GRID2: variants seen among roughly 807,000 people sequenced by gnomAD.
GRID2 encodes the protein glutamate ionotropic receptor delta type subunit 2, also known as glutamate receptor ionotropic, delta-2.
Under a neutral mutation model 114.8 loss-of-function variants are expected in GRID2, and 33 were observed. The observed-to-expected ratio is 0.29, with a 90% CI of 0.22 to 0.38. The LOEUF (loss-of-function observed/expected upper bound fraction) is 0.38, where lower values mean the gene tolerates loss of function less well. GRID2 is among the 10% of genes least tolerant of loss of function. The probability of loss-of-function intolerance (pLI) is 1.00; values close to 1 mark genes in which losing one functional copy is unlikely to be tolerated. For missense variants in GRID2, 1,184 were observed against 1,257.7 expected, an observed-to-expected ratio of 0.94 and a Z score of 0.89; for synonymous variants, 505 against 449.9, an observed-to-expected ratio of 1.12 and a Z score of -1.55.
In GRID2 at chr4:92,539,349, C is replaced by T. The variant is rs1387183497; in HGVS notation, c.89-50782C>T. Among the ~76,000 whole-genome samples the T allele has an allele frequency of 2.0e-5, 3 of 152,122 alleles. No individual in the cohort carries two copies. The South Asian group carries it at 6.2e-4, about 32-fold the overall frequency. ...TATAAAATGGTGGCCTTTTCCTGTG[C>T]ATTAATGGTGACAAAAAATTAGCAA... On this transcript the variant is annotated intron_variant, in intron 1 of 15. Transcript: ENST00000282020.
intron 4 of GRID2, among the ~76,000 whole-genome samples, chr4:93,121,598 G>T (rs545099330): frequency 6.6e-6 from 1 of 152,100 alleles, no homozygotes; most frequent in East Asian, 1.9e-4. Context: ...TACAGATAGG[G>T]GTTCTATATA....
chr4:92,859,816 T>C (rs562006656), intron 2 of GRID2, among the ~76,000 whole-genome samples: 2 of 152,120 alleles, frequency 1.3e-5, no homozygotes, highest in South Asian at 4.2e-4. Context: ...CTACCTAGAG[T>C]AGAGTTTCTC....
intron 2 of GRID2, among the ~76,000 whole-genome samples, chr4:92,645,437 T>G (rs1364391801): frequency 2.6e-5 from 4 of 151,838 alleles, no homozygotes; most frequent in Non-Finnish European, 5.9e-5. Context: ...GGTTTCATTT[T>G]GATACAGTTA....
chr4:92,505,034 T>TC (rs1723885453), intron 1 of GRID2, among the ~76,000 whole-genome samples: 1 of 151,696 alleles, frequency 6.6e-6, no homozygotes, highest in African/African-American at 2.4e-5. Context: ...AAAGAGAAAA[T>TC]GTAACTTAAG....
chr4:93,014,013 A>C (rs1382978543), intron 2 of GRID2, among the ~76,000 whole-genome samples: 1 of 152,054 alleles, frequency 6.6e-6, no homozygotes, highest in Non-Finnish European at 1.5e-5. Context: ...CCTATAAAAC[A>C]ATTTATATGA....
chr4:92,626,576 T>A (rs12643613), intron 2 of GRID2, among the ~76,000 whole-genome samples: 2 of 152,038 alleles, frequency 1.3e-5, no homozygotes, highest in Non-Finnish European at 2.9e-5. Context: ...GGCTGTCATG[T>A]GGAAGTGGAG....
intron 2 of GRID2, among the ~76,000 whole-genome samples, chr4:92,937,783 G>A (rs1750779039): frequency 6.8e-6 from 1 of 146,594 alleles, no homozygotes; most frequent in African/African-American, 2.4e-5. Flanking sequence ...CATTGAGCCT[G>A]TAGATTGCTT....
chr4:93,800,636 T>C (rs1421402986), intron 1 of GRID2, among the ~76,000 whole-genome samples: 1 of 152,196 alleles, frequency 6.6e-6, no homozygotes, highest in African/African-American at 2.4e-5. Context: ...AGTTTTTATG[T>C]TTTTCTTAGA....
At chr4:93,748,796 G>A (rs541360787) in intron 14 of GRID2, among the ~76,000 whole-genome samples, 7 of 152,034 alleles carry the variant, frequency 4.6e-5, no homozygotes, top group Non-Finnish European at 8.8e-5. Flanking sequence ...AAAGCAAGGA[G>A]GAGTACTGAA....
At chr4:92,304,963 G>T (rs1181499470) in intron 1 of GRID2, among the ~76,000 whole-genome samples, 1 of 152,104 alleles carries the variant, frequency 6.6e-6, no homozygotes, top group Non-Finnish European at 1.5e-5. Context: ...GCAGTGATTC[G>T]TGGAATGTGG....
chr4:92,843,110 A>T (rs1322674143), intron 2 of GRID2, among the ~76,000 whole-genome samples: 1 of 151,950 alleles, frequency 6.6e-6, no homozygotes, highest in Non-Finnish European at 1.5e-5. Flanking sequence ...AGGAGGGGTA[A>T]CACATACCTG....
chr4:92,646,362 G>A (rs1164117186), intron 2 of GRID2, among the ~76,000 whole-genome samples: 7 of 152,286 alleles, frequency 4.6e-5, no homozygotes, highest in Non-Finnish European at 1.0e-4. Context: ...TTCAGTTTGT[G>A]TATTGTCAAA....
intron 1 of GRID2, among the ~76,000 whole-genome samples, chr4:92,335,411 G>A (rs1727113605): frequency 6.6e-6 from 1 of 152,210 alleles, no homozygotes; most frequent in African/African-American, 2.4e-5. Flanking sequence ...GCAAAGCACT[G>A]AGAGATTTGC....
intron 1 of GRID2, among the ~76,000 whole-genome samples, chr4:92,474,982 G>A (rs1163903772): frequency 3.1e-5 from 4 of 128,480 alleles, no homozygotes; most frequent in African/African-American, 5.7e-5. Context: ...GGGGGGTGGA[G>A]GGGGGAGGGA....
chr4:92,685,306 G>A (rs541569227), intron 2 of GRID2, among the ~76,000 whole-genome samples: 4 of 152,104 alleles, frequency 2.6e-5, no homozygotes, highest in East Asian at 1.9e-4. Context: ...ATGCTCTTAG[G>A]AATTTCCCGT....
At chr4:93,510,909 TATTTAAAAA>T (rs1729099515) in intron 12 of GRID2, among the ~76,000 whole-genome samples, 1 of 152,164 alleles carries the variant, frequency 6.6e-6, no homozygotes, top group Non-Finnish European at 1.5e-5. Context: ...GACTATCAAA[TATTTAAAAA>T]ATTTAATTGT....
intron 8 of GRID2, among the ~76,000 whole-genome samples, chr4:93,378,653 G>T (rs780622983): frequency 5.3e-5 from 8 of 152,098 alleles, no homozygotes; most frequent in Non-Finnish European, 8.8e-5. Context: ...ATACTTCTCA[G>T]TAAGATTAGC....
chr4:92,506,662 T>C lies in GRID2; in HGVS notation c.89-83469T>C, dbSNP rs1207892133. Among the ~76,000 whole-genome samples the C allele has an allele frequency of 2.6e-5, 4 of 151,924 alleles. No individual in the cohort carries two copies. In the South Asian group the frequency reaches 6.2e-4, roughly 24 times the overall value. On this transcript the variant is annotated intron_variant, in intron 1 of 15. Coordinates refer to ENST00000282020, the MANE Select transcript of GRID2 (RefSeq NM_001510.4). ...TGGCATGTATTCTCACTGTATCCCT[T>C]ACCTATATACGATAATACATTTCTA...
At chr4:93,808,734 C>A (rs1735078542) in exon 2 of GRID2, 1 of 152,148 alleles carries the variant, frequency 6.6e-6, no homozygotes, top group South Asian at 2.1e-4. Flanking sequence ...GACAGTTGTC[C>A]ACAGAGAACC....
Sources: allele counts gnomAD v4.1 joint callset (sites outside exome capture counted in the v4.1 genomes callset), GRCh38; gene constraint gnomAD v4.1.1; transcripts MANE v1.5; gene names NCBI Gene and HGNC (gene_info 2026-07-23, HGNC 2026-07-21).